PTPN22: variants seen among roughly 807,000 people sequenced by gnomAD.
PTPN22 encodes the protein protein tyrosine phosphatase non-receptor type 22, also known as tyrosine-protein phosphatase non-receptor type 22.
PTPN22 carries 85 observed loss-of-function variants against 103.3 expected under a neutral mutation model. The ratio of observed to expected loss-of-function variants is 0.82; its 90% CI spans 0.69 to 0.99. The LOEUF is 0.99. PTPN22 is among the 50% of genes least tolerant of loss of function. PTPN22 has a pLI of 0.00. For missense variants in PTPN22, 865 were observed against 936.9 expected (o/e 0.92, Z 1.00); for synonymous variants, 323 against 310.2 (o/e 1.04, Z -0.43).
chr1:113,834,253 A>G, intron 15 of PTPN22, 56 bp downstream of exon 15: 1 of 1,536,976 alleles, frequency 6.5e-7, no homozygotes, highest in Middle Eastern at 1.7e-4. Flanking sequence ...AAATACAAGG[A>G]GTAGAACTGT....
At chr1:113,836,894 C>A (rs1663067502) in intron 13 of PTPN22, among the ~76,000 whole-genome samples, 1 of 152,036 alleles carries the variant, frequency 6.6e-6, no homozygotes, top group African/African-American at 2.4e-5. Context: ...CCACTGCACT[C>A]CAGCATGGGC....
At chr1:113,866,089 C>T (rs1441500386) in intron 1 of PTPN22, among the ~76,000 whole-genome samples, 1 of 152,070 alleles carries the variant, frequency 6.6e-6, no homozygotes, top group African/African-American at 2.4e-5. Context: ...TGTTTCCTCA[C>T]CTATAAAATG....
At chr1:113,824,399 C>A (rs998681513) in intron 19 of PTPN22, among the ~76,000 whole-genome samples, 6 of 152,148 alleles carry the variant, frequency 3.9e-5, no homozygotes, top group African/African-American at 1.4e-4. Context: ...CACACCCGGC[C>A]ATCACCATGG....
chr1:113,825,141 C>T lies in PTPN22; in HGVS notation c.2281+1G>A, dbSNP rs201419889. 20 of 1,505,396 alleles carry T rather than the reference C, an allele frequency of 1.3e-5. No individual in the cohort carries two copies. The highest frequency in any genetic ancestry group is 1.6e-5 in the Non-Finnish European group (18 of 1,100,068). The allele number at this position is 1,505,396 out of a possible 1,614,324, so 93.3% of individuals were successfully genotyped here. On this transcript the variant is annotated splice_donor_variant, in intron 19 of 20. Transcript: ENST00000359785. LOFTEE classifies it high-confidence loss of function. ...ATTTTTAAACATAAGTACCAACTTACTCTTTTTCATGTTTCGCAAAATTTT... is the reference window on the plus strand; with the variant it reads ...ATTTTTAAACATAAGTACCAACTTATTCTTTTTCATGTTTCGCAAAATTTT...
chr1:113,825,740 G>A (rs568316819), intron 18 of PTPN22, among the ~76,000 whole-genome samples: 2 of 152,096 alleles, frequency 1.3e-5, no homozygotes, highest in South Asian at 4.2e-4. Context: ...TTGAGATGGA[G>A]TCTCGCTGTG....
At chr1:113,815,043 A>G (rs560537432) in intron 20 of PTPN22, 74 bp from the exon 21 acceptor site, 446 of 1,031,620 alleles carry the variant, frequency 4.3e-4, no homozygotes, top group Non-Finnish European at 5.9e-4. Context: ...ATTTTAGAGT[A>G]TATTATAATA....
chr1:113,832,590 C>T (rs974128093), intron 16 of PTPN22, among the ~76,000 whole-genome samples: 1 of 152,130 alleles, frequency 6.6e-6, no homozygotes, highest in Admixed American at 6.5e-5. Context: ...TGTTTTTTAA[C>T]CTTTATATTA....
chr1:113,822,896 T>C (rs990873777), intron 19 of PTPN22, among the ~76,000 whole-genome samples: 2 of 151,832 alleles, frequency 1.3e-5, no homozygotes, highest in Admixed American at 6.6e-5. Flanking sequence ...GAGGGGGAGG[T>C]TGCAGTGAGC....
At chr1:113,853,030 C>G (rs1457964396) in intron 9 of PTPN22, among the ~76,000 whole-genome samples, 1 of 152,156 alleles carries the variant, frequency 6.6e-6, no homozygotes, top group East Asian at 1.9e-4. Context: ...CCTCTGTCTC[C>G]CGGGTTCAAG....
intron 11 of PTPN22, 103 bp from the exon 12 acceptor site, chr1:113,838,723 A>T (rs1663251055): frequency 2.8e-6 from 4 of 1,449,872 alleles, no homozygotes. Context: ...AAATAAAAAG[A>T]TTTAAAATAA....
chr1:113,824,584 C>G (rs1661886071), intron 19 of PTPN22, among the ~76,000 whole-genome samples: 1 of 152,108 alleles, frequency 6.6e-6, no homozygotes, highest in Non-Finnish European at 1.5e-5. Context: ...TTCATGAAGT[C>G]AACACATTTG....
chr1:113,839,648 A>G (rs1203146096), intron 11 of PTPN22, among the ~76,000 whole-genome samples: 3 of 152,176 alleles, frequency 2.0e-5, no homozygotes, highest in Non-Finnish European at 4.4e-5. Flanking sequence ...ATCTCAGTTG[A>G]TGCAGAAAAA....
In PTPN22 at chr1:113,848,503, A is replaced by G. The variant is rs3827734; in HGVS notation, c.915+37T>C. On this transcript the variant is annotated intron_variant, in intron 11 of 20. Transcript: ENST00000359785. Reference sequence around the variant, plus strand: ...CATCCCTTGACCAAAAGCAAGTATGAAAATTTTTTTGACATAATATCTAGT... The same window carrying G: ...CATCCCTTGACCAAAAGCAAGTATGGAAATTTTTTTGACATAATATCTAGT... 2.7e-5 allele frequency: 44 copies of G among 1,608,454 alleles called. No homozygotes were observed. The South Asian group carries it at 4.6e-4, about 17-fold the overall frequency.
intron 11 of PTPN22, among the ~76,000 whole-genome samples, chr1:113,847,181 T>C (rs1571412544): frequency 1.3e-5 from 2 of 151,446 alleles, no homozygotes; most frequent in East Asian, 1.9e-4. Flanking sequence ...ACTGTATTTT[T>C]AAGTTCTAAA....
intron 20 of PTPN22, among the ~76,000 whole-genome samples, chr1:113,816,863 C>A (rs190098704): frequency 6.6e-6 from 1 of 152,094 alleles, no homozygotes; most frequent in Non-Finnish European, 1.5e-5. Flanking sequence ...GAGCTGAGAT[C>A]GTGCCACTGC....
chr1:113,858,555 C>G (rs775698202), exon 4 of PTPN22: 2 of 1,595,546 alleles, frequency 1.3e-6, no homozygotes, highest in Non-Finnish European at 1.7e-6. Flanking sequence ...GCAATATAAG[C>G]CTTGGGTCCA....
intron 1 of PTPN22, among the ~76,000 whole-genome samples, chr1:113,862,691 C>T (rs1020888924): frequency 5.3e-5 from 8 of 152,166 alleles, no homozygotes; most frequent in Admixed American, 3.3e-4. Flanking sequence ...GAAAATTAAA[C>T]TTGGCCCTCC....
intron 18 of PTPN22, chr1:113,829,264 AT>A (rs992756951): frequency 6.5e-6 from 1 of 153,482 alleles, no homozygotes; most frequent in Non-Finnish European, 1.4e-5. Context: ...TTTAATTTTT[AT>A]TTTAGGTTCA....
chr1:113,854,348 T>A, intron 9 of PTPN22, 123 bp downstream of exon 9: 1 of 922,030 alleles, frequency 1.1e-6, no homozygotes, highest in Non-Finnish European at 1.7e-6. Context: ...ACAGAGTGGG[T>A]CTACAAGTAC....
Sources: allele counts gnomAD v4.1 joint callset (sites outside exome capture counted in the v4.1 genomes callset), GRCh38; gene constraint gnomAD v4.1.1; transcripts MANE v1.5; gene names NCBI Gene and HGNC (gene_info 2026-07-23, HGNC 2026-07-21).